The following ZYG11B variants were observed in gnomAD, a reference collection of about 807,000 sequenced individuals.
ZYG11B encodes the protein zyg-11 family member B, cell cycle regulator.
Under a neutral mutation model 82.4 loss-of-function variants are expected in ZYG11B, and 36 were observed. That is an observed-to-expected ratio of 0.44 (90% CI 0.33 to 0.58). ZYG11B has a LOEUF of 0.58. Ranked by LOEUF, ZYG11B falls within the 20% of genes least tolerant of loss-of-function variation. The pLI is 0.02. For synonymous variants in ZYG11B, 303 were observed against 312.8 expected, an observed-to-expected ratio of 0.97 and a Z score of 0.33; for missense variants, 552 against 895.6, an observed-to-expected ratio of 0.62 and a Z score of 4.90.
At chr1:52,728,429 A>C (rs887215744) in intron 1 of ZYG11B, among the ~76,000 whole-genome samples, 2 of 152,188 alleles carry the variant, frequency 1.3e-5, no homozygotes, top group South Asian at 4.1e-4. Context: ...GCTAATTTGT[A>C]AAACTTTTTG....
In ZYG11B at chr1:52,785,059, C is replaced by T. The variant is rs1293948690; in HGVS notation, c.1269+6C>T. ...ATTTTCCCAATCACCAGCAGGTAAG[C>T]TTATGTGAATTCCTTTTCAAATAGT... On this transcript the variant is annotated splice_donor_region_variant and intron_variant, in intron 5 of 13. Transcript: ENST00000294353. The T allele has an allele frequency of 6.2e-7, 1 of 1,611,210 alleles. No homozygotes were observed. Among genetic ancestry groups the T allele is most frequent in the Non-Finnish European group, 8.5e-7 (1 of 1,179,248 alleles).
At chr1:52,821,148 T>G (rs571937409) in intron 13 of ZYG11B, among the ~76,000 whole-genome samples, 1 of 152,042 alleles carries the variant, frequency 6.6e-6, no homozygotes, top group Admixed American at 6.6e-5. Flanking sequence ...CCTGTGATTT[T>G]GGGTCAAAGA....
intron 1 of ZYG11B, among the ~76,000 whole-genome samples, chr1:52,732,998 C>T (rs1350239972): frequency 2.0e-5 from 3 of 151,920 alleles, no homozygotes; most frequent in Non-Finnish European, 4.4e-5. Flanking sequence ...ATTATTAACC[C>T]AACATAGGAG....
At position 52,821,793 on chromosome 1, in the gene ZYG11B, T is replaced by C. The variant is rs114256017; in HGVS notation, c.*164T>C. 1,067 of 531,924 alleles carry C rather than the reference T, an allele frequency of 2.0e-3. 18 individuals carry two copies. The highest frequency in any genetic ancestry group is 0.019 in the African/African-American group (1,009 of 52,384). The allele number at this position is 531,924 out of a possible 1,614,324, so 33.0% of individuals were successfully genotyped here. ...ACTGCCCATGTGAACAGTCTCTAAT[T>C]TGTCTTGTGATTTTAAACTTATGAG... On this transcript the variant is annotated 3_prime_UTR_variant, in exon 14 of 14. Transcript: ENST00000294353.
intron 10 of ZYG11B, among the ~76,000 whole-genome samples, chr1:52,803,157 C>CATATATATATACACACATAT (rs1645100756): frequency 9.3e-5 from 4 of 42,828 alleles, no homozygotes; most frequent in Non-Finnish European, 1.7e-4. Context: ...TATATATACA[C>CATATATATATACACACATAT]ATATATATAT....
chr1:52,796,630 G>T, intron 7 of ZYG11B, 104 bp from the exon 8 acceptor site: 2 of 1,056,134 alleles, frequency 1.9e-6, no homozygotes, highest in South Asian at 3.2e-5. Context: ...ATTCCAAGTT[G>T]ATCAGAGATT....
intron 1 of ZYG11B, among the ~76,000 whole-genome samples, chr1:52,744,623 A>G (rs887471951): frequency 6.6e-6 from 1 of 152,170 alleles, no homozygotes; most frequent in Non-Finnish European, 1.5e-5. Context: ...CGGGCGGATC[A>G]TGAGGTCAGG....
chr1:52,751,329 AG>A, intron 1 of ZYG11B, among the ~76,000 whole-genome samples: 1 of 94,446 alleles, frequency 1.1e-5, no homozygotes, highest in East Asian at 1.0e-3. Flanking sequence ...ACTATGATAT[AG>A]TTAAAAAAAA....
intron 2 of ZYG11B, among the ~76,000 whole-genome samples, chr1:52,763,942 C>T (rs1350219023): frequency 1.3e-5 from 2 of 152,186 alleles, no homozygotes. Flanking sequence ...AAAGCTTACA[C>T]TCCCAGACTA....
intron 1 of ZYG11B, among the ~76,000 whole-genome samples, chr1:52,749,939 T>A (rs1211297415): frequency 6.6e-6 from 1 of 152,228 alleles, no homozygotes; most frequent in Non-Finnish European, 1.5e-5. Context: ...CATTATGAAC[T>A]CATGAATTGA....
intron 7 of ZYG11B, 47 bp from the exon 8 acceptor site, chr1:52,796,687 C>CATTAATGAGTTCTTGGACATTGA (rs757795201): frequency 1.5e-4 from 217 of 1,456,704 alleles, no homozygotes; most frequent in Non-Finnish European, 2.0e-4. Flanking sequence ...ATTAAACTCA[C>CATTAATGAGTTCTTGGACATTGA]ATTAATGAGT....
intron 1 of ZYG11B, among the ~76,000 whole-genome samples, chr1:52,741,190 C>T (rs1008997999): frequency 6.7e-6 from 1 of 148,976 alleles, no homozygotes; most frequent in Admixed American, 6.9e-5. Flanking sequence ...CCCAGCTACT[C>T]GAGAGGCTAA....
At chr1:52,811,024 G>T (rs1645177792) in intron 10 of ZYG11B, among the ~76,000 whole-genome samples, 1 of 127,216 alleles carries the variant, frequency 7.9e-6, no homozygotes, top group Non-Finnish European at 1.6e-5. Flanking sequence ...ACCGAGCAAG[G>T]CTCCGTCTCA....
Position 52,814,248 on chromosome 1 carries a change from T to TG in ZYG11B, c.1946+337dup, listed in dbSNP as rs1418634198. 4.7e-4 allele frequency among the ~76,000 whole-genome samples: 71 copies of TG among 152,338 alleles called. 1 individual carries two copies. Among genetic ancestry groups the TG allele is most frequent in the Non-Finnish European group, 1.3e-4 (9 of 68,032 alleles). On this transcript the variant is annotated intron_variant, in intron 12 of 13. Transcript: ENST00000294353. ...GTTGGCCAGGCTGGTCTTGAACTCC[T>TG]GACCTCAGGTGATCTGCCTGCCTGG... is the stretch of plus-strand genomic sequence containing the variant.
intron 13 of ZYG11B, among the ~76,000 whole-genome samples, chr1:52,818,479 GAAA>G (rs550771952): frequency 7.0e-6 from 1 of 142,906 alleles, no homozygotes; most frequent in East Asian, 2.1e-4. Flanking sequence ...GTCTCAAAAA[GAAA>G]AAAAAAAATT....
chr1:52,732,197 G>A (rs1162931019), intron 1 of ZYG11B, among the ~76,000 whole-genome samples: 1 of 152,198 alleles, frequency 6.6e-6, no homozygotes, highest in East Asian at 1.9e-4. Context: ...AAAAGGATGT[G>A]TGTAGGGGAA....
rs1644610238 is a variant in ZYG11B, at chr1:52,759,607, G to A, written c.196+2984G>A. Among the ~76,000 whole-genome samples, 9 of 152,240 alleles carry A rather than the reference G, an allele frequency of 5.9e-5. No homozygotes were observed. In the South Asian group the frequency reaches 1.9e-3, roughly 32 times the overall value. The stretch of plus-strand genomic sequence containing the variant: ...TTGTGTTACCCTAGTGTGATTACCT[G>A]TCTTCTTCATCAAGAAGGGTTCTGA... On this transcript the variant is annotated intron_variant, in intron 2 of 13. Transcript: ENST00000294353.
chr1:52,783,837 T>TATATGTACATACACGTGTGC lies in ZYG11B; in HGVS notation c.1093-1021_1093-1020insCATATGTACATACACGTGTG, dbSNP rs1558132598. Among the ~76,000 whole-genome samples, 225 of 128,272 alleles carry TATATGTACATACACGTGTGC rather than the reference T, an allele frequency of 1.8e-3. 3 individuals are homozygous for TATATGTACATACACGTGTGC. The highest frequency in any genetic ancestry group is 6.9e-3 in the African/African-American group (213 of 30,686). The allele number at this position is 128,272 out of a possible 152,430, so 84.2% of individuals were successfully genotyped here. ...ACACGTATATGTATACATACGTGTG[T>TATATGTACATACACGTGTGC]ATATGTACATACACGTGTGTGTGTA... On this transcript the variant is annotated intron_variant, in intron 4 of 13. Transcript: ENST00000294353.
chr1:52,810,056 T>G (rs1645170539), intron 10 of ZYG11B, among the ~76,000 whole-genome samples: 2 of 152,186 alleles, frequency 1.3e-5, no homozygotes, highest in African/African-American at 4.8e-5. Flanking sequence ...AACTTTGTTC[T>G]GGGATGCAGT....
Sources: allele counts gnomAD v4.1 joint callset (sites outside exome capture counted in the v4.1 genomes callset), GRCh38; gene constraint gnomAD v4.1.1; transcripts MANE v1.5; gene names NCBI Gene and HGNC (gene_info 2026-07-23, HGNC 2026-07-21).